The following SLC15A1 variants were observed in gnomAD, a reference collection of about 807,000 sequenced individuals.
The protein encoded by SLC15A1 is Caco-2 oligopeptide transporter.
In SLC15A1, 83 loss-of-function variants were observed where a neutral mutation model predicts 92.9. That is an observed-to-expected ratio of 0.89 (90% CI 0.75 to 1.07). SLC15A1 has a LOEUF of 1.07. Ranked by LOEUF, SLC15A1 falls within the 50% of genes least tolerant of loss-of-function variation. The pLI is 0.00. For synonymous variants in SLC15A1, 322 were observed against 318.2 expected (o/e 1.01, Z -0.13); for missense variants, 857 against 880.1 (o/e 0.97, Z 0.33).
In SLC15A1 at chr13:98,687,705, A is replaced by C. The variant is rs1283238817; in HGVS notation, c.1703T>G (p.Val568Gly). ...VQRKNDSCPE[V>G]KVFEDISANT... Reference sequence around the variant, plus strand: ...GGCTGAAATATCTTCAAACACCTTCACTTCAGGGCAGCTGTCATTCTGCAG... The same window carrying C: ...GGCTGAAATATCTTCAAACACCTTCCCTTCAGGGCAGCTGTCATTCTGCAG... The change falls in exon 21 of 23, where the codon GTG becomes GGG. Residue 568 changes from valine (V) to glycine (G), a missense_variant. Physicochemically the swap from Val to Gly is moderately radical, Grantham distance 109 (BLOSUM62 -3). Transcript: ENST00000376503. 1 of 1,613,734 alleles carries C rather than the reference A, an allele frequency of 6.2e-7. No individual in the cohort carries two copies. Among genetic ancestry groups the C allele is most frequent in the Non-Finnish European group, 8.5e-7 (1 of 1,179,972 alleles).
rs766960822 is a variant in SLC15A1, at chr13:98,726,405, A to T, written c.66T>A (p.Asn22Lys). ...AGTAGGAAAATCTTTCGCAAAACTC[A>T]TTGACCACGATGAAGAAGATGCTCA... ...YPLSIFFIVV[N>K]EFCERFSYYG... The change falls in exon 3 of 23, where the codon AAT (asparagine) becomes AAA (lysine). Residue 22 changes from asparagine to lysine, a missense_variant. Asn to Lys is a moderately conservative substitution (Grantham distance 94). Transcript: ENST00000376503. 2.5e-6 allele frequency: 4 copies of T among 1,614,182 alleles called. No homozygotes were observed. In the East Asian group the frequency reaches 8.9e-5, roughly 36 times the overall value.
At chr13:98,749,775 C>G (rs1299248002) in intron 1 of SLC15A1, among the ~76,000 whole-genome samples, 1 of 152,118 alleles carries the variant, frequency 6.6e-6, no homozygotes, top group African/African-American at 2.4e-5. Context: ...GTGTGGCTCA[C>G]AAGCTAAGAA....
At chr13:98,749,293 C>A (rs1594014745) in intron 1 of SLC15A1, among the ~76,000 whole-genome samples, 2 of 152,326 alleles carry the variant, frequency 1.3e-5, no homozygotes, top group East Asian at 3.9e-4. Flanking sequence ...GAATCACAAA[C>A]AAGGCCAGCC....
At position 98,684,545 on chromosome 13, in the gene SLC15A1, C is replaced by CAAAAAAAAAAAAAAAAAAAAAGAAAA. The variant is rs2087914287; in HGVS notation, c.*178_*179insTTTTCTTTTTTTTTTTTTTTTTTTTT. The CAAAAAAAAAAAAAAAAAAAAAGAAAA allele has an allele frequency of 5.5e-6, 1 of 180,642 alleles. No homozygotes were observed. The highest frequency in any genetic ancestry group is 1.1e-4 in the South Asian group (1 of 9,264). The allele number at this position is 180,642 out of a possible 1,614,324, so 11.2% of individuals were successfully genotyped here. A position where few individuals can be genotyped will look rare whatever the true frequency, so the allele number is the denominator to read the frequency against. ...GGACAACAAGAGCAAAACTCTGTCTCAAAAAAAAAAAAAAAAAAAAAAAGA... is the reference window on the plus strand; with the variant it reads ...GGACAACAAGAGCAAAACTCTGTCTCAAAAAAAAAAAAAAAAAAAAAGAAAAAAAAAAAAAAAAAAAAAAAAAAAGA... On this transcript the variant is annotated 3_prime_UTR_variant, in exon 23 of 23. Coordinates refer to ENST00000376503, the MANE Select transcript of SLC15A1 (RefSeq NM_005073.4).
At position 98,688,286 on chromosome 13, in the gene SLC15A1, C is replaced by G. The variant is rs2087947063; in HGVS notation, c.1645G>C (p.Glu549Gln). 1.2e-6 allele frequency: 2 copies of G among 1,613,886 alleles called. No homozygotes were observed. Among genetic ancestry groups the G allele is most frequent in the Non-Finnish European group, 1.7e-6 (2 of 1,179,890 alleles). Reference sequence around the variant, plus strand: ...ATATAGGTATAAGCACTACCAAATTCAAGGTAGAAAGTATTGAAATTAGGT... The same window carrying G: ...ATATAGGTATAAGCACTACCAAATTGAAGGTAGAAAGTATTGAAATTAGGT... ...CQPNFNTFYL[E>Q]FGSAYTYIVQ... The change falls in exon 20 of 23, where the codon GAA (glutamate) becomes CAA (glutamine). Residue 549 changes from glutamate to glutamine, a missense_variant. Glu to Gln is a conservative substitution (Grantham distance 29). Transcript: ENST00000376503.
intron 18 of SLC15A1, among the ~76,000 whole-genome samples, chr13:98,691,288 C>T (rs1455654318): frequency 6.6e-6 from 1 of 152,100 alleles, no homozygotes; most frequent in South Asian, 2.1e-4. Flanking sequence ...CTGCCCACCT[C>T]GGCCTCCCAA....
chr13:98,714,991 C>T (rs528972216), intron 9 of SLC15A1, among the ~76,000 whole-genome samples: 21 of 152,256 alleles, frequency 1.4e-4, no homozygotes, highest in African/African-American at 4.8e-4. Context: ...CTGCACATTC[C>T]TATTACTACA....
At chr13:98,730,837 C>A (rs543202790) in intron 1 of SLC15A1, among the ~76,000 whole-genome samples, 1 of 152,228 alleles carries the variant, frequency 6.6e-6, no homozygotes, top group African/African-American at 2.4e-5. Flanking sequence ...CCAGGACCGT[C>A]CTTCTTCTTC....
At chr13:98,734,818 C>T (rs1223893076) in intron 1 of SLC15A1, among the ~76,000 whole-genome samples, 1 of 152,168 alleles carries the variant, frequency 6.6e-6, no homozygotes, top group Admixed American at 6.5e-5. Context: ...AGACCAATAA[C>T]AGGCTCTGAA....
At chr13:98,738,689 A>G (rs563083783) in intron 1 of SLC15A1, among the ~76,000 whole-genome samples, 4 of 152,374 alleles carry the variant, frequency 2.6e-5, no homozygotes, top group African/African-American at 9.6e-5. Context: ...GATATATGGA[A>G]AAGCCTGGAT....
chr13:98,684,755 A>G lies in SLC15A1; in HGVS notation c.2096T>C (p.Met699Thr). ...NRLEKSNPYFMSGANSQKQM is the reference protein window; with the variant it reads ...NRLEKSNPYFTSGANSQKQM ...CTGTTTCTGTGAATTGGCCCCTGAC[A>G]TGAAATATGGGTTACTCTTTTCCAG... is the stretch of plus-strand genomic sequence containing the variant. The change falls in exon 23 of 23, where the codon ATG (methionine) becomes ACG (threonine). Residue 699 changes from methionine (M) to threonine (T), a missense_variant. Transcript: ENST00000376503. 11 of 1,614,000 alleles carry G rather than the reference A, an allele frequency of 6.8e-6. No homozygotes were observed. The highest frequency in any genetic ancestry group is 9.3e-6 in the Non-Finnish European group (11 of 1,180,002).
chr13:98,727,096 A>C (rs752020148), intron 1 of SLC15A1, among the ~76,000 whole-genome samples: 1 of 152,196 alleles, frequency 6.6e-6, no homozygotes, highest in Non-Finnish European at 1.5e-5. Context: ...CAAAATTGAG[A>C]AGCAGCAGCT....
intron 1 of SLC15A1, among the ~76,000 whole-genome samples, chr13:98,735,752 GA>G (rs2088388271): frequency 6.6e-6 from 1 of 152,092 alleles, no homozygotes; most frequent in Non-Finnish European, 1.5e-5. Context: ...TTGCTTCAAA[GA>G]GAATAAAATA....
At chr13:98,727,090 A>G (rs2088308193) in intron 1 of SLC15A1, among the ~76,000 whole-genome samples, 1 of 152,174 alleles carries the variant, frequency 6.6e-6, no homozygotes, top group Non-Finnish European at 1.5e-5. Flanking sequence ...TGCAGTCAAA[A>G]TTGAGAAGCA....
At chr13:98,739,809 T>C (rs1489534531) in intron 1 of SLC15A1, among the ~76,000 whole-genome samples, 2 of 152,352 alleles carry the variant, frequency 1.3e-5, no homozygotes, top group African/African-American at 2.4e-5. Context: ...GTTAATAAGA[T>C]TGAATCTACA....
At chr13:98,706,445 G>T (rs1371821748) in intron 15 of SLC15A1, among the ~76,000 whole-genome samples, 192 bp from the exon 16 acceptor site, 2 of 152,188 alleles carry the variant, frequency 1.3e-5, no homozygotes, top group Admixed American at 6.5e-5. Context: ...ACGGAATACT[G>T]AAGTGATATG....
chr13:98,694,695 A>G (rs896761913), intron 18 of SLC15A1, among the ~76,000 whole-genome samples: 4 of 152,238 alleles, frequency 2.6e-5, no homozygotes, highest in African/African-American at 7.2e-5. Context: ...CAGTATATCC[A>G]TGTAATAGAA....
chr13:98,735,876 T>A (rs1247077878), intron 1 of SLC15A1, among the ~76,000 whole-genome samples: 3 of 152,182 alleles, frequency 2.0e-5, no homozygotes, highest in Non-Finnish European at 4.4e-5. Flanking sequence ...TCTATGCTCA[T>A]GCACAGGAAG....
At position 98,691,282 on chromosome 13, in the gene SLC15A1, C is replaced by CT. The variant is rs1211910572; in HGVS notation, c.1467-2706_1467-2705insA. 1.1e-3 allele frequency among the ~76,000 whole-genome samples: 169 copies of CT among 152,288 alleles called. 1 individual carries two copies. The highest frequency in any genetic ancestry group is 3.8e-3 in the African/African-American group (158 of 41,572). On this transcript the variant is annotated intron_variant, in intron 18 of 22. Coordinates refer to ENST00000376503, the MANE Select transcript of SLC15A1 (RefSeq NM_005073.4). ...TCAATCTCCTGACCTCATGACCTGC[C>CT]CACCTCGGCCTCCCAAAAAGTGTTG...
Sources: allele counts gnomAD v4.1 joint callset (sites outside exome capture counted in the v4.1 genomes callset), GRCh38; gene constraint gnomAD v4.1.1; transcripts MANE v1.5; gene names NCBI Gene and HGNC (gene_info 2026-07-23, HGNC 2026-07-21).